Variants in GRIA1 observed in about 807,000 individuals in gnomAD.
GRIA1 encodes the protein glutamate receptor 1.
A neutral mutation model predicts 99.2 loss-of-function variants in GRIA1; 31 were observed. The ratio of observed to expected loss-of-function variants is 0.31; its 90% CI spans 0.23 to 0.42. GRIA1 has a LOEUF of 0.42. Among genes scored for constraint, GRIA1 ranks in the 10% least tolerant of loss-of-function variants. The pLI is 1.00. For missense variants in GRIA1, 782 were observed against 1,157.5 expected, an observed-to-expected ratio of 0.68 and a Z score of 4.71; for synonymous variants, 438 against 432.4, an observed-to-expected ratio of 1.01 and a Z score of -0.16.
intron 13 of GRIA1, among the ~76,000 whole-genome samples, chr5:153,785,632 G>A (rs1461694098): frequency 2.6e-5 from 4 of 152,120 alleles, no homozygotes; most frequent in East Asian, 1.9e-4. Context: ...ACTACACAAC[G>A]CTTATCTTTC....
chr5:153,542,913 C>G (rs1759257989), intron 2 of GRIA1, among the ~76,000 whole-genome samples: 1 of 152,118 alleles, frequency 6.6e-6, no homozygotes. Context: ...TGATTAAGAA[C>G]AAGAATGTTA....
chr5:153,636,686 C>A (rs1005662129), intron 2 of GRIA1, among the ~76,000 whole-genome samples: 1 of 152,170 alleles, frequency 6.6e-6, no homozygotes, highest in African/African-American at 2.4e-5. Context: ...GGCTATATGA[C>A]CTTGTGCAAG....
intron 2 of GRIA1, among the ~76,000 whole-genome samples, chr5:153,590,225 G>GA (rs5872323): frequency 6.6e-6 from 1 of 151,894 alleles, no homozygotes; most frequent in Non-Finnish European, 1.5e-5. Flanking sequence ...ACATCAGTTC[G>GA]AAAAAATTGC....
At chr5:153,767,717 T>C (rs1338612999) in intron 12 of GRIA1, among the ~76,000 whole-genome samples, 1 of 152,182 alleles carries the variant, frequency 6.6e-6, no homozygotes, top group African/African-American at 2.4e-5. Context: ...CCAGAACTTC[T>C]TGGCAGCCCC....
intron 2 of GRIA1, among the ~76,000 whole-genome samples, chr5:153,549,480 C>T (rs1038741117): frequency 6.6e-6 from 1 of 152,022 alleles, no homozygotes; most frequent in Non-Finnish European, 1.5e-5. Flanking sequence ...GCAACAAAAT[C>T]AGATTGGAGT....
chr5:153,533,288 C>T (rs726876), intron 2 of GRIA1, among the ~76,000 whole-genome samples: 97,817 of 151,672 alleles, frequency 0.64, 31,915 homozygotes, highest in East Asian at 0.83. Flanking sequence ...CTTGTTAAAG[C>T]ACTGAGTTGC....
intron 15 of GRIA1, 57 bp downstream of exon 15, chr5:153,802,547 C>G: frequency 6.4e-7 from 1 of 1,564,886 alleles, no homozygotes; most frequent in Non-Finnish European, 8.8e-7. Context: ...AGCTGGGTTT[C>G]CTGGGAGTCC....
chr5:153,694,655 C>T (rs1258231393), intron 8 of GRIA1, among the ~76,000 whole-genome samples: 1 of 152,226 alleles, frequency 6.6e-6, no homozygotes, highest in East Asian at 1.9e-4. Context: ...AGGTAACTTG[C>T]TCAAGCTGAT....
intron 11 of GRIA1, among the ~76,000 whole-genome samples, chr5:153,756,263 T>TGGGA (rs1243340822): frequency 1.3e-5 from 2 of 152,208 alleles, no homozygotes; most frequent in African/African-American, 2.4e-5. Flanking sequence ...GTCTCAGCTT[T>TGGGA]CACCCCTCTT....
chr5:153,644,547 G>A (rs1247137506), intron 2 of GRIA1, among the ~76,000 whole-genome samples: 4 of 151,924 alleles, frequency 2.6e-5, no homozygotes, highest in Admixed American at 2.0e-4. Flanking sequence ...CTGGCTTTTG[G>A]GCACAAAGAA....
chr5:153,613,375 T>TTTG (rs1303993314), intron 2 of GRIA1, among the ~76,000 whole-genome samples: 22 of 152,358 alleles, frequency 1.4e-4, no homozygotes, highest in African/African-American at 4.6e-4. Flanking sequence ...ATTAGTCTTA[T>TTTG]TTGTTTTCCA....
chr5:153,783,095 A>G (rs1207653869), intron 13 of GRIA1, among the ~76,000 whole-genome samples: 1 of 152,154 alleles, frequency 6.6e-6, no homozygotes, highest in African/African-American at 2.4e-5. Flanking sequence ...ACTGAAGGGG[A>G]GAATTCTCCA....
intron 11 of GRIA1, among the ~76,000 whole-genome samples, chr5:153,728,952 C>G (rs1361804333): frequency 1.5e-5 from 2 of 131,472 alleles, no homozygotes; most frequent in African/African-American, 3.0e-5. Flanking sequence ...TATTGCAGCA[C>G]TATTCACAAT....
chr5:153,540,630 G>A (rs1405095657), intron 2 of GRIA1, among the ~76,000 whole-genome samples: 2 of 152,072 alleles, frequency 1.3e-5, no homozygotes, highest in Admixed American at 6.5e-5. Context: ...ATATACTTGT[G>A]ACCAAGATGA....
intron 7 of GRIA1, 97 bp from the exon 8 acceptor site, chr5:153,686,128 A>G (rs1752459792): frequency 1.1e-6 from 1 of 874,228 alleles, no homozygotes; most frequent in African/African-American, 1.6e-5. Context: ...CATTCCATGG[A>G]ACACTCTTGG....
intron 11 of GRIA1, among the ~76,000 whole-genome samples, chr5:153,706,829 T>C (rs1758929809): frequency 6.6e-6 from 1 of 152,220 alleles, no homozygotes; most frequent in African/African-American, 2.4e-5. Context: ...GCGTGGTGGC[T>C]CACGCCTGTA....
chr5:153,559,116 C>T (rs1760902581), intron 2 of GRIA1, among the ~76,000 whole-genome samples: 1 of 152,182 alleles, frequency 6.6e-6, no homozygotes, highest in Admixed American at 6.5e-5. Context: ...GGCTAAGCTC[C>T]ATTTTTCCAT....
At chr5:153,757,947 A>C (rs1307324925) in intron 11 of GRIA1, among the ~76,000 whole-genome samples, 1 of 152,122 alleles carries the variant, frequency 6.6e-6, no homozygotes, top group Non-Finnish European at 1.5e-5. Context: ...TTACATTATT[A>C]GTACAAAGAC....
intron 2 of GRIA1, among the ~76,000 whole-genome samples, chr5:153,560,855 G>T (rs573384128): frequency 7.9e-5 from 12 of 152,266 alleles, no homozygotes; most frequent in African/African-American, 2.9e-4. Flanking sequence ...CTCCTTGAGA[G>T]TAATTAAACC....
Sources: gnomAD v4.1 joint callset for allele counts (sites outside exome capture counted in the v4.1 genomes callset) on GRCh38, gnomAD v4.1.1 for gene constraint, MANE v1.5 for transcripts, NCBI Gene and HGNC (gene_info 2026-07-23, HGNC 2026-07-21) for gene names.